TDRD9: variants seen among roughly 807,000 people sequenced by gnomAD.
TDRD9 encodes tudor domain containing 9, also known as ATP-dependent RNA helicase TDRD9.
In TDRD9, 124 loss-of-function variants were observed where a neutral mutation model predicts 172.6. That is an observed-to-expected ratio of 0.72 (90% CI 0.62 to 0.83). The LOEUF (loss-of-function observed/expected upper bound fraction) is 0.83, where lower values mean the gene tolerates loss of function less well. Ranked by LOEUF, TDRD9 falls within the 40% of genes least tolerant of loss-of-function variation. TDRD9 has a pLI of 0.00. For missense variants in TDRD9, 1,479 were observed against 1,714.1 expected (o/e 0.86, Z 2.42); for synonymous variants, 619 against 617.1 (o/e 1.00, Z -0.05).
intron 7 of TDRD9, among the ~76,000 whole-genome samples, chr14:103,985,339 G>T (rs908516776): frequency 6.6e-6 from 1 of 152,156 alleles, no homozygotes; most frequent in Non-Finnish European, 1.5e-5. Context: ...TCCTTCCTGT[G>T]CTGTTCTTAT....
Position 104,006,828 on chromosome 14 carries a change from C to A in TDRD9, c.1990C>A (p.Leu664Ile), listed in dbSNP as rs141516484. Reference protein sequence around the residue: ...SGSSKSDCIALVEAFKTWKAC... With the variant: ...SGSSKSDCIAIVEAFKTWKAC... ...CAGTAGCAAGAGTGACTGTATTGCACTTGTTGAGGCATTTAAAGTAAGTTT... is the reference window on the plus strand; with the variant it reads ...CAGTAGCAAGAGTGACTGTATTGCAATTGTTGAGGCATTTAAAGTAAGTTT... The change falls in exon 18 of 36, where the codon CTT (leucine) becomes ATT (isoleucine). Residue 664 changes from leucine to isoleucine, a missense_variant. By Grantham distance (5) the Leu-to-Ile change is conservative. Around this residue, in one of 3 missense-constraint regions of TDRD9, gnomAD observed 1,413 missense variants for 1,649.1 expected, o/e 0.86. Coordinates refer to ENST00000409874, the MANE Select transcript of TDRD9 (RefSeq NM_153046.3). 2.4e-5 allele frequency: 38 copies of A among 1,612,814 alleles called. No individual in the cohort carries two copies. Among genetic ancestry groups the A allele is most frequent in the Non-Finnish European group, 3.2e-5 (38 of 1,179,346 alleles).
intron 34 of TDRD9, among the ~76,000 whole-genome samples, chr14:104,046,568 A>C (rs1429865663): frequency 1.3e-5 from 2 of 152,162 alleles, no homozygotes; most frequent in Non-Finnish European, 2.9e-5. Context: ...TGTTTTGTTC[A>C]ATTACTTTAT....
At chr14:103,988,305 C>T (rs2033747892) in intron 8 of TDRD9, among the ~76,000 whole-genome samples, 1 of 152,078 alleles carries the variant, frequency 6.6e-6, no homozygotes, top group African/African-American at 2.4e-5. Flanking sequence ...TCCCGAATAG[C>T]TGGGACTACA....
chr14:104,005,149 T>C, intron 14 of TDRD9, 125 bp from the exon 15 acceptor site: 1 of 865,574 alleles, frequency 1.2e-6, no homozygotes, highest in East Asian at 2.6e-5. Context: ...CTCAATCCTC[T>C]CCATTTTTCT....
At chr14:104,027,907 C>G (rs527782359) in intron 28 of TDRD9, among the ~76,000 whole-genome samples, 2 of 152,116 alleles carry the variant, frequency 1.3e-5, no homozygotes, top group Non-Finnish European at 2.9e-5. Context: ...TCCATTATTT[C>G]AATTTTTTTT....
intron 1 of TDRD9, among the ~76,000 whole-genome samples, chr14:103,952,190 G>GTATATATATATATATATA (rs1566734586): frequency 1.8e-5 from 1 of 55,530 alleles, no homozygotes. Flanking sequence ...GCGTGTGTGT[G>GTATATATATATATATATA]TATATATATA....
chr14:104,006,514 T>G lies in TDRD9; in HGVS notation c.1839T>G (p.Leu613=). The change falls in exon 16 of 36, where the codon CTT becomes CTG. Residue 613 remains leucine, a synonymous_variant. Coordinates refer to ENST00000409874, the MANE Select transcript of TDRD9 (RefSeq NM_153046.3). ...AGCAACTTGGTAAACTCATAGTCCT[T>G]GGACATGTATTTGGATGTCTAGATG... The part of the protein sequence containing the change: ...VNQQLGKLIV[L]GHVFGCLDEC... The G allele has an allele frequency of 6.2e-7, 1 of 1,613,930 alleles. No individual in the cohort carries two copies. Among genetic ancestry groups the G allele is most frequent in the Non-Finnish European group, 8.5e-7 (1 of 1,179,816 alleles).
Position 103,963,148 on chromosome 14 carries a change from A to C in TDRD9, c.392A>C (p.Asp131Ala), listed in dbSNP as rs1177560286. The C allele has an allele frequency of 7.7e-6, 12 of 1,549,170 alleles. No homozygotes were observed. The highest frequency in any genetic ancestry group is 1.7e-4 in the Middle Eastern group (1 of 5,990). Residue 131 changes from aspartate (D) to alanine (A), a missense_variant, in exon 3 of 36, where the codon GAT (aspartate) becomes GCT (alanine). Physicochemically the swap from Asp to Ala is moderately radical, Grantham distance 126. Transcript: ENST00000409874. ...CCAGGGACAACTTATAAATATCCTGATTTGCCTATAAGTCGATACAAGGAA... is the reference window on the plus strand; with the variant it reads ...CCAGGGACAACTTATAAATATCCTGCTTTGCCTATAAGTCGATACAAGGAA... ...CIPGTTYKYP[D>A]LPISRYKEEV...
chr14:104,005,233 G>A (rs1566776305), intron 14 of TDRD9, 41 bp from the exon 15 acceptor site: 2 of 1,607,838 alleles, frequency 1.2e-6, no homozygotes, highest in African/African-American at 1.3e-5. Context: ...AACTGATTTA[G>A]TTATGTTATT....
At chr14:104,042,891 A>G (rs767841939) in intron 34 of TDRD9, among the ~76,000 whole-genome samples, 2 of 152,050 alleles carry the variant, frequency 1.3e-5, no homozygotes, top group African/African-American at 4.8e-5. Context: ...TCTCCTTCCT[A>G]TGCCTTTTGG....
In TDRD9 at chr14:104,008,419, C is replaced by T; in HGVS notation, c.2059C>T (p.Leu687Phe). ...TGELRYPKDE[L>F]NWGRLNYIQI... ...TGCTTTTATATATTTAAAGGATGAA[C>T]TTAATTGGGGACGGTTAAATTACAT... is the stretch of plus-strand genomic sequence containing the variant. Residue 687 changes from leucine to phenylalanine, a missense_variant, in exon 20 of 36, where the codon CTT (leucine) becomes TTT (phenylalanine). Around this residue, in one of 3 missense-constraint regions of TDRD9, gnomAD observed 1,413 missense variants for 1,649.1 expected, o/e 0.86. Transcript: ENST00000409874. 1 of 1,539,586 alleles carries T rather than the reference C, an allele frequency of 6.5e-7. No individual in the cohort carries two copies. Among genetic ancestry groups the T allele is most frequent in the East Asian group, 2.3e-5 (1 of 44,246 alleles).
intron 2 of TDRD9, among the ~76,000 whole-genome samples, chr14:103,958,136 G>A (rs1198664468): frequency 6.6e-6 from 1 of 152,138 alleles, no homozygotes; most frequent in Non-Finnish European, 1.5e-5. Context: ...TGATCATTTA[G>A]TCATCCAGTT....
chr14:104,026,730 T>C lies in TDRD9; in HGVS notation c.3073T>C (p.Cys1025Arg). Residue 1025 changes from cysteine (C) to arginine (R), a missense_variant, in exon 28 of 36, where the codon TGT becomes CGT. Cys to Arg is a radical substitution (Grantham distance 180, BLOSUM62 -3). Coordinates refer to ENST00000409874, the MANE Select transcript of TDRD9 (RefSeq NM_153046.3). ...KMRPSAKSLV[C>R]GKHWSDGASQ... Reference sequence around the variant, plus strand: ...GAGACCATCAGCAAAGTCTCTTGTTTGTGGCAAGCACTGGAGTGACGGGGC... The same window carrying C: ...GAGACCATCAGCAAAGTCTCTTGTTCGTGGCAAGCACTGGAGTGACGGGGC... The C allele has an allele frequency of 1.2e-6, 2 of 1,614,052 alleles. No homozygotes were observed. Among genetic ancestry groups the C allele is most frequent in the Non-Finnish European group, 1.7e-6 (2 of 1,179,892 alleles).
At chr14:104,025,013 G>A (rs192779262) in intron 25 of TDRD9, among the ~76,000 whole-genome samples, 48 of 152,318 alleles carry the variant, frequency 3.2e-4, no homozygotes, top group Admixed American at 1.5e-3. Context: ...ACAAAGTCTT[G>A]CTGTGTTGCC....
At chr14:103,941,645 G>A in intron 1 of TDRD9, 1 of 1,532,548 alleles carries the variant, frequency 6.5e-7, no homozygotes, top group Non-Finnish European at 8.7e-7. Context: ...GATAGTGTGT[G>A]GGTTTGTAGG....
intron 6 of TDRD9, among the ~76,000 whole-genome samples, chr14:103,973,506 G>T (rs2033120802): frequency 6.6e-6 from 1 of 152,214 alleles, no homozygotes; most frequent in African/African-American, 2.4e-5. Flanking sequence ...ACTCCAGACA[G>T]GCAGTTGTCT....
At position 104,031,250 on chromosome 14, in the gene TDRD9, C is replaced by T. The variant is rs1200248528; in HGVS notation, c.3425C>T (p.Thr1142Ile). 1 of 1,550,476 alleles carries T rather than the reference C, an allele frequency of 6.4e-7. No homozygotes were observed. The highest frequency in any genetic ancestry group is 2.0e-5 in the Admixed American group (1 of 50,528). The change falls in exon 29 of 36, where the codon ACT becomes ATT. Residue 1142 changes from threonine to isoleucine, a missense_variant. Physicochemically the swap from Thr to Ile is moderately conservative, Grantham distance 89. Coordinates refer to ENST00000409874, the MANE Select transcript of TDRD9 (RefSeq NM_153046.3). ...LESFSTNKLG[T>I]PNCKAELHGP... ...AGCTTTTCTACCAATAAACTGGGTA[C>T]TCCAAACTGTAAGGTGATTGTAGGA...
intron 33 of TDRD9, 33 bp downstream of exon 33, chr14:104,040,367 C>G: frequency 6.7e-7 from 1 of 1,498,058 alleles, no homozygotes; most frequent in Non-Finnish European, 9.0e-7. Flanking sequence ...GCACCACAAC[C>G]CTGTCTCTCT....
intron 23 of TDRD9, among the ~76,000 whole-genome samples, chr14:104,021,623 G>A (rs996828172): frequency 6.6e-6 from 1 of 152,116 alleles, no homozygotes; most frequent in Non-Finnish European, 1.5e-5. Flanking sequence ...AATCTGGGAG[G>A]CGGAGGTTGC....
Sources: gnomAD v4.1 joint callset for allele counts (sites outside exome capture counted in the v4.1 genomes callset) on GRCh38, gnomAD v4.1.1 for gene constraint, gnomAD v4.1.1 regional missense constraint, MANE v1.5 for transcripts, NCBI Gene and HGNC (gene_info 2026-07-23, HGNC 2026-07-21) for gene names.